The following IGFL2 variants were observed in gnomAD, a reference collection of about 807,000 sequenced individuals.
The protein encoded by IGFL2 is IGF like family member 2.
IGFL2 carries 7 observed loss-of-function variants against 13.9 expected under a neutral mutation model. The observed-to-expected ratio is 0.51, with a 90% CI of 0.29 to 0.95. The LOEUF is 0.95. Among genes scored for constraint, IGFL2 ranks in the 40% least tolerant of loss-of-function variants. The pLI is 0.08. For synonymous variants in IGFL2, 55 were observed against 55.8 expected (o/e 0.99, Z 0.07); for missense variants, 138 against 147.8 (o/e 0.93, Z 0.34).
chr19:46,174,753 G>A, the IGFL2 span, among the ~76,000 whole-genome samples: 1 of 152,146 alleles, frequency 6.6e-6, no homozygotes, highest in Admixed American at 6.5e-5. Context: ...CTTTGGAACT[G>A]GCAGGTGACT....
chr19:46,169,251 C>T, the IGFL2 span, among the ~76,000 whole-genome samples: 126 of 152,114 alleles, frequency 8.3e-4, 2 homozygotes, highest in Middle Eastern at 0.017. Flanking sequence ...TCTTTAAGAC[C>T]TTAAAAATAG....
chr19:46,133,641 A>T, the IGFL2 span, among the ~76,000 whole-genome samples: 3 of 152,366 alleles, frequency 2.0e-5, no homozygotes, highest in Non-Finnish European at 4.4e-5. Flanking sequence ...CGCAGAGTAT[A>T]TTGATTTCTT....
chr19:46,190,348 G>A, the IGFL2 span: 1 of 152,226 alleles, frequency 6.6e-6, no homozygotes, highest in African/African-American at 2.4e-5. Flanking sequence ...TCAGGGCTCT[G>A]TCTCCTCCAT....
chr19:46,160,376 T>TTCCAGCCCCATCCTTAACAC (rs763926336), intron 1 of IGFL2, 39 bp from the exon 2 acceptor site: 2 of 1,589,120 alleles, frequency 1.3e-6, no homozygotes, highest in Admixed American at 3.5e-5. Context: ...GTGGCCACAC[T>TTCCAGCCCCATCCTTAACAC]TCCAGCCCCA....
the IGFL2 span, among the ~76,000 whole-genome samples, chr19:46,108,134 G>A: frequency 4.6e-5 from 7 of 152,114 alleles, no homozygotes; most frequent in African/African-American, 1.7e-4. Context: ...AGCCTGGCGA[G>A]GAGCAGCCTG....
At chr19:46,210,939 T>C in the IGFL2 span, among the ~76,000 whole-genome samples, 2 of 152,250 alleles carry the variant, frequency 1.3e-5, no homozygotes, top group African/African-American at 4.8e-5. Context: ...GGCTGGAAGC[T>C]TCACACTTTC....
At chr19:46,123,782 T>C in the IGFL2 span, 31 of 1,306,516 alleles carry the variant, frequency 2.4e-5, 1 homozygote, top group Non-Finnish European at 3.3e-5. Context: ...CCAGCCTGAC[T>C]CTTTTGCCGT....
At chr19:46,124,229 C>G in the IGFL2 span, 1 of 1,608,882 alleles carries the variant, frequency 6.2e-7, no homozygotes, top group Non-Finnish European at 8.5e-7. Context: ...TTCCCAACAC[C>G]ACCTCTTCCC....
At chr19:46,148,825 A>T in intron 1 of IGFL2, 1 of 1,479,674 alleles carries the variant, frequency 6.8e-7, no homozygotes, top group Non-Finnish European at 9.0e-7. Flanking sequence ...ACTCTTCCAG[A>T]TATTGGACTG....
At chr19:46,151,276 A>G (rs879281645) in intron 1 of IGFL2, among the ~76,000 whole-genome samples, 2 of 152,214 alleles carry the variant, frequency 1.3e-5, no homozygotes, top group Non-Finnish European at 2.9e-5. Flanking sequence ...TGTGTATGGT[A>G]TGAGGAAGAG....
At chr19:46,167,336 C>T in the IGFL2 span, among the ~76,000 whole-genome samples, 1 of 152,162 alleles carries the variant, frequency 6.6e-6, no homozygotes. Context: ...TGCAGGAGAG[C>T]CGCAGCCCCT....
At chr19:46,097,367 C>CT in the IGFL2 span, among the ~76,000 whole-genome samples, 1 of 152,168 alleles carries the variant, frequency 6.6e-6, no homozygotes, top group South Asian at 2.1e-4. Context: ...GTGCTATCCT[C>CT]TTTATCATTT....
intron 1 of IGFL2, among the ~76,000 whole-genome samples, chr19:46,150,697 G>A (rs1049789040): frequency 5.3e-5 from 8 of 151,920 alleles, no homozygotes; most frequent in Non-Finnish European, 1.5e-5. Context: ...AAGAGGCAGG[G>A]TCTCACTCTG....
At chr19:46,166,869 C>T in the IGFL2 span, among the ~76,000 whole-genome samples, 1 of 152,232 alleles carries the variant, frequency 6.6e-6, no homozygotes, top group African/African-American at 2.4e-5. Context: ...TGAATAATTG[C>T]TGTTATCCTG....
chr19:46,154,918 G>C (rs1288265727), intron 1 of IGFL2, among the ~76,000 whole-genome samples: 1 of 152,124 alleles, frequency 6.6e-6, no homozygotes, highest in Non-Finnish European at 1.5e-5. Flanking sequence ...TGTTCTGATG[G>C]CCTCCCTCTC....
At chr19:46,158,079 A>G (rs1259476204) in intron 1 of IGFL2, among the ~76,000 whole-genome samples, 1 of 152,236 alleles carries the variant, frequency 6.6e-6, no homozygotes, top group African/African-American at 2.4e-5. Context: ...CTAACAAAAC[A>G]TGTACAGGAC....
chr19:46,205,729 A>G, the IGFL2 span, among the ~76,000 whole-genome samples: 1 of 152,016 alleles, frequency 6.6e-6, no homozygotes, highest in Admixed American at 6.6e-5. Context: ...TTGTGTATTT[A>G]CCCCAGATGA....
the IGFL2 span, among the ~76,000 whole-genome samples, chr19:46,104,183 G>A: frequency 1.3e-5 from 2 of 152,192 alleles, no homozygotes; most frequent in Non-Finnish European, 2.9e-5. Flanking sequence ...TCTGGGGCAA[G>A]GTTGGGTCCG....
chr19:46,165,624 G>A (rs1051892198), downstream of IGFL2, among the ~76,000 whole-genome samples: 5 of 152,204 alleles, frequency 3.3e-5, no homozygotes, highest in African/African-American at 7.2e-5. Context: ...CTGAGCCTCC[G>A]CAAATTACCT....
Sources: allele counts gnomAD v4.1 joint callset (sites outside exome capture counted in the v4.1 genomes callset), GRCh38; gene constraint gnomAD v4.1.1; transcripts MANE v1.5; gene names NCBI Gene and HGNC (gene_info 2026-07-23, HGNC 2026-07-21).